The following EEPD1 variants were observed in gnomAD, a reference collection of about 807,000 sequenced individuals.
The protein encoded by EEPD1 is endonuclease/exonuclease/phosphatase family domain containing 1, also known as endonuclease/exonuclease/phosphatase family domain-containing protein 1.
A neutral mutation model predicts 46.3 loss-of-function variants in EEPD1; 17 were observed. The observed-to-expected ratio is 0.37, with a 90% CI of 0.25 to 0.55. EEPD1 has a LOEUF of 0.55. Among genes scored for constraint, EEPD1 ranks in the 20% least tolerant of loss-of-function variants. The pLI is 0.83. For missense variants in EEPD1, 673 were observed against 745.6 expected (o/e 0.90, Z 1.13); for synonymous variants, 313 against 315.6 (o/e 0.99, Z 0.09).
Position 36,154,070 on chromosome 7 carries a change from AG to A in EEPD1, c.-192-58del. 1.9e-6 allele frequency: 1 copy of A among 533,258 alleles called. No individual in the cohort carries two copies. The highest frequency in any genetic ancestry group is 2.2e-5 in the South Asian group (1 of 44,708). The allele number at this position is 533,258 out of a possible 1,614,324, so 33.0% of individuals were successfully genotyped here. ...CTGGTTACTAACTCTAGCACTAGGTAGGGGGTGCTAATGCAAATTTCTTAAT... is the reference window on the plus strand; with the variant it reads ...CTGGTTACTAACTCTAGCACTAGGTAGGGGTGCTAATGCAAATTTCTTAAT... On this transcript the variant is annotated intron_variant, in intron 1 of 7. Transcript: ENST00000242108. The surrounding 1 kb of genome is among the most constrained non-coding windows in gnomAD (Gnocchi z 4.2).
chr7:36,292,508 T>C (rs1787462925), intron 6 of EEPD1, among the ~76,000 whole-genome samples: 1 of 151,594 alleles, frequency 6.6e-6, no homozygotes, highest in Non-Finnish European at 1.5e-5. Context: ...TCTTTCTCTT[T>C]CTCTTCTTTC....
intron 6 of EEPD1, among the ~76,000 whole-genome samples, chr7:36,290,679 C>G (rs1023371935): frequency 1.3e-5 from 2 of 152,162 alleles, no homozygotes; most frequent in African/African-American, 2.4e-5. Context: ...GGGACAGGGT[C>G]TCCCTCTGTG....
intron 2 of EEPD1, among the ~76,000 whole-genome samples, chr7:36,157,372 G>A (rs1248596982): frequency 6.6e-6 from 1 of 152,244 alleles, no homozygotes; most frequent in African/African-American, 2.4e-5. Flanking sequence ...GTAGAGAATA[G>A]GAGAGTGAGC....
chr7:36,286,503 G>A (rs1194283025), intron 5 of EEPD1, among the ~76,000 whole-genome samples: 1 of 152,234 alleles, frequency 6.6e-6, no homozygotes, highest in Non-Finnish European at 1.5e-5. Flanking sequence ...GGGCAAGATT[G>A]CTAAGCCCTG....
At chr7:36,257,812 A>C (rs1161028572) in intron 3 of EEPD1, among the ~76,000 whole-genome samples, 1 of 152,184 alleles carries the variant, frequency 6.6e-6, no homozygotes, top group Non-Finnish European at 1.5e-5. Context: ...CCACCTTCTG[A>C]AGCCTACTTC....
intron 5 of EEPD1, among the ~76,000 whole-genome samples, chr7:36,286,783 C>T (rs540903256): frequency 4.0e-4 from 61 of 152,188 alleles, no homozygotes; most frequent in African/African-American, 1.4e-3. Flanking sequence ...TCAGGCTGGC[C>T]CTCTGGAGAA....
intron 3 of EEPD1, among the ~76,000 whole-genome samples, chr7:36,262,560 G>A (rs1166488056): frequency 6.6e-6 from 1 of 152,152 alleles, no homozygotes; most frequent in Non-Finnish European, 1.5e-5. Context: ...GCATTCAGGG[G>A]GTTGTGTCTC....
At chr7:36,211,393 A>G (rs1785929519) in intron 2 of EEPD1, among the ~76,000 whole-genome samples, 1 of 152,226 alleles carries the variant, frequency 6.6e-6, no homozygotes, top group African/African-American at 2.4e-5. Flanking sequence ...AAGCAGCGGC[A>G]CAAATTAGTA....
chr7:36,291,815 G>A (rs1254077732), intron 6 of EEPD1, among the ~76,000 whole-genome samples: 1 of 152,238 alleles, frequency 6.6e-6, no homozygotes, highest in African/African-American at 2.4e-5. Context: ...TTCACAAGGT[G>A]TGGCAGAAAT....
chr7:36,154,548 A>C lies in EEPD1; in HGVS notation c.224A>C (p.Lys75Thr). 1 of 1,614,134 alleles carries C rather than the reference A, an allele frequency of 6.2e-7. No individual in the cohort carries two copies. The highest frequency in any genetic ancestry group is 8.5e-7 in the Non-Finnish European group (1 of 1,180,008). The part of the protein sequence containing the change: ...VEYREYIGGF[K>T]KVEDLALVSG... ...TACCGAGAGTATATCGGTGGCTTCA[A>C]GAAGGTGGAGGACCTGGCATTGGTC... The change falls in exon 2 of 8, where the codon AAG becomes ACG. Residue 75 changes from lysine (K) to threonine (T), a missense_variant. By Grantham distance (78) the Lys-to-Thr change is moderately conservative. Coordinates refer to ENST00000242108, the MANE Select transcript of EEPD1 (RefSeq NM_030636.3). This position sits in a 1 kb window ranked among gnomAD's most constrained non-coding sequence, Gnocchi z 4.2.
chr7:36,220,888 C>T (rs1786132984), intron 2 of EEPD1, among the ~76,000 whole-genome samples: 1 of 152,192 alleles, frequency 6.6e-6, no homozygotes, highest in Non-Finnish European at 1.5e-5. Context: ...CAACCTCCAC[C>T]TCCTGGGTTC....
At chr7:36,238,086 A>G (rs1229711653) in intron 2 of EEPD1, among the ~76,000 whole-genome samples, 4 of 152,184 alleles carry the variant, frequency 2.6e-5, no homozygotes, top group Non-Finnish European at 4.4e-5. Context: ...TTTTTAGACC[A>G]TATAGGGTAA....
At chr7:36,241,090 TGTATGTTCTTGAAACTTTTCTA>T (rs2115788116) in intron 3 of EEPD1, among the ~76,000 whole-genome samples, 1 of 152,298 alleles carries the variant, frequency 6.6e-6, no homozygotes, top group Admixed American at 6.5e-5. Flanking sequence ...GTGAGTTCCT[TGTATGTTCTTGAAACTTTTCTA>T]GTATCCCCCC....
chr7:36,292,429 TTC>T (rs760252419), intron 6 of EEPD1, among the ~76,000 whole-genome samples: 3 of 151,628 alleles, frequency 2.0e-5, no homozygotes, highest in Non-Finnish European at 2.9e-5. Flanking sequence ...CTCTTTTTCT[TTC>T]TCTCTCTCTG....
At chr7:36,264,696 G>A (rs568544569) in intron 3 of EEPD1, among the ~76,000 whole-genome samples, 1 of 152,298 alleles carries the variant, frequency 6.6e-6, no homozygotes, top group East Asian at 1.9e-4. Context: ...AGCCAGAAAA[G>A]CCTGTGAAAC....
chr7:36,265,674 T>C (rs1218582158), intron 3 of EEPD1, among the ~76,000 whole-genome samples: 1 of 152,196 alleles, frequency 6.6e-6, no homozygotes, highest in Non-Finnish European at 1.5e-5. Context: ...GGGGTAAACA[T>C]GCTCCTACTA....
At chr7:36,248,994 A>ACACACACACAC (rs1786687369) in intron 3 of EEPD1, among the ~76,000 whole-genome samples, 2 of 135,350 alleles carry the variant, frequency 1.5e-5, no homozygotes, top group African/African-American at 2.8e-5. Flanking sequence ...TGGTTCATTA[A>ACACACACACAC]ACACACACAC....
At chr7:36,168,816 G>T (rs1785033491) in intron 2 of EEPD1, among the ~76,000 whole-genome samples, 1 of 151,476 alleles carries the variant, frequency 6.6e-6, no homozygotes, top group South Asian at 2.1e-4. Context: ...TCTAGATCTA[G>T]AAGTATGAAG....
intron 2 of EEPD1, among the ~76,000 whole-genome samples, chr7:36,182,781 G>A (rs978203920): frequency 1.3e-5 from 2 of 152,228 alleles, no homozygotes; most frequent in Non-Finnish European, 2.9e-5. Flanking sequence ...TTTCAGTGAT[G>A]GACACGGGAC....
Sources: gnomAD v4.1 joint callset for allele counts (sites outside exome capture counted in the v4.1 genomes callset) on GRCh38, gnomAD v4.1.1 for gene constraint, Gnocchi (gnomAD v3.1) non-coding constraint, MANE v1.5 for transcripts, NCBI Gene and HGNC (gene_info 2026-07-23, HGNC 2026-07-21) for gene names.